NRXN1: variants seen among roughly 807,000 people sequenced by gnomAD.
NRXN1 encodes neurexin-1.
Under a neutral mutation model 150.9 loss-of-function variants are expected in NRXN1, and 39 were observed. The observed-to-expected ratio is 0.26, with a 90% CI of 0.20 to 0.34. NRXN1 has a LOEUF of 0.34. NRXN1 is among the 10% of genes least tolerant of loss of function. The pLI is 1.00. For missense variants in NRXN1, 1,815 were observed against 1,949.9 expected (o/e 0.93, Z 1.30); for synonymous variants, 924 against 757.0 (o/e 1.22, Z -3.62).
chr2:50,649,598 A>T (rs1685316632), intron 5 of NRXN1, among the ~76,000 whole-genome samples: 1 of 151,908 alleles, frequency 6.6e-6, no homozygotes, highest in Admixed American at 6.6e-5. Flanking sequence ...TTGAGGGTGG[A>T]TGTCTGTTTC....
intron 5 of NRXN1, among the ~76,000 whole-genome samples, chr2:50,679,140 G>A (rs548719681): frequency 1.3e-5 from 2 of 152,126 alleles, no homozygotes; most frequent in East Asian, 3.9e-4. Context: ...ACTGTCAGAA[G>A]AGTATGTGGA....
chr2:50,473,773 C>T (rs756847819), intron 15 of NRXN1, among the ~76,000 whole-genome samples: 1 of 151,988 alleles, frequency 6.6e-6, no homozygotes, highest in Non-Finnish European at 1.5e-5. Context: ...GTAACAAATT[C>T]CTTGGTCTCC....
At chr2:49,987,593 T>C (rs1681148766) in intron 21 of NRXN1, among the ~76,000 whole-genome samples, 1 of 152,146 alleles carries the variant, frequency 6.6e-6, no homozygotes, top group Non-Finnish European at 1.5e-5. Context: ...AATGACCCAT[T>C]GATAGATTGA....
At chr2:49,978,081 G>A (rs1679302579) in intron 21 of NRXN1, among the ~76,000 whole-genome samples, 1 of 152,090 alleles carries the variant, frequency 6.6e-6, no homozygotes, top group Non-Finnish European at 1.5e-5. Flanking sequence ...AGAATCGCTT[G>A]AACCAGGGAG....
chr2:50,960,232 A>G (rs1476013266), intron 2 of NRXN1, among the ~76,000 whole-genome samples: 1 of 151,908 alleles, frequency 6.6e-6, no homozygotes, highest in African/African-American at 2.4e-5. Context: ...ATAAGGCATT[A>G]ATTTTCCATA....
chr2:50,174,685 A>G (rs1446101848), intron 18 of NRXN1: 3 of 152,192 alleles, frequency 2.0e-5, no homozygotes, highest in Non-Finnish European at 4.4e-5. Context: ...TATAAAACAG[A>G]TAATAGTATT....
intron 5 of NRXN1, among the ~76,000 whole-genome samples, chr2:50,732,438 G>T (rs903831260): frequency 1.3e-5 from 2 of 152,086 alleles, no homozygotes; most frequent in Admixed American, 6.5e-5. Context: ...AACATCATGA[G>T]AATAACAGTA....
rs1260582018 is a variant in NRXN1, at chr2:50,361,320, CAGG to C, written c.3364+104119_3364+104121del. 3.9e-5 allele frequency among the ~76,000 whole-genome samples: 6 copies of C among 152,096 alleles called. No individual in the cohort carries two copies. In the South Asian group the frequency reaches 8.3e-4, roughly 21 times the overall value. Reference sequence around the variant, plus strand: ...AAAACCTTCAAAAAATCAATGAAAACAGGAGGTGTTTTTTGAAAAGATCAACAA... The same window carrying C: ...AAAACCTTCAAAAAATCAATGAAAACAGGTGTTTTTTGAAAAGATCAACAA... On this transcript the variant is annotated intron_variant, in intron 17 of 22. Transcript: ENST00000401669.
intron 17 of NRXN1, among the ~76,000 whole-genome samples, chr2:50,369,836 TC>T: frequency 6.6e-6 from 1 of 151,940 alleles, no homozygotes; most frequent in East Asian, 1.9e-4. Flanking sequence ...GATGTTAATC[TC>T]CCAGTGTAGG....
At chr2:50,343,046 C>T (rs750431946) in intron 17 of NRXN1, among the ~76,000 whole-genome samples, 9 of 152,234 alleles carry the variant, frequency 5.9e-5, no homozygotes, top group Non-Finnish European at 1.0e-4. Context: ...CATTAAGCAA[C>T]TTCAATTACA....
At chr2:50,660,064 C>T (rs1261213482) in intron 5 of NRXN1, among the ~76,000 whole-genome samples, 1 of 151,984 alleles carries the variant, frequency 6.6e-6, no homozygotes, top group Non-Finnish European at 1.5e-5. Flanking sequence ...TAAACAAATA[C>T]ATCAAATGCC....
intron 5 of NRXN1, among the ~76,000 whole-genome samples, chr2:50,847,448 T>C (rs1223878043): frequency 6.7e-6 from 1 of 149,560 alleles, no homozygotes; most frequent in African/African-American, 2.5e-5. Context: ...AAGGGAAGAG[T>C]GTGGTCGCTT....
Position 50,615,910 on chromosome 2 carries a change from TACTC to T in NRXN1, c.1320+4108_1320+4111del, listed in dbSNP as rs779189693. The T allele has an allele frequency of 5.3e-5, 8 of 152,190 alleles. No homozygotes were observed. The East Asian group carries it at 7.7e-4, about 15-fold the overall frequency. The allele number at this position is 152,190 out of a possible 1,614,324, so 9.4% of individuals were successfully genotyped here. A position where few individuals can be genotyped will look rare whatever the true frequency, so the allele number is the denominator to read the frequency against. The stretch of plus-strand genomic sequence containing the variant: ...CTTAAGCAACATATATTTCAGCTCT[TACTC>T]AGTGTTATCAAAATGCAAATAATAT... On this transcript the variant is annotated intron_variant, in intron 8 of 22. Coordinates refer to ENST00000401669, the MANE Select transcript of NRXN1 (RefSeq NM_001330078.2).
chr2:50,325,894 TCA>T (rs1394206937), intron 17 of NRXN1, among the ~76,000 whole-genome samples: 4 of 152,300 alleles, frequency 2.6e-5, no homozygotes, highest in Admixed American at 2.6e-4. Context: ...TTTTCCTTCT[TCA>T]CAGTTTCTAA....
At position 50,875,448 on chromosome 2, in the gene NRXN1, AATTATT is replaced by A. The variant is rs1462751098; in HGVS notation, c.832+46415_832+46420del. ...TATTAGTTCCTCAATATATTTTAGC[AATTATT>A]ATTATTATTACTATTCTTATTACTA... is the stretch of plus-strand genomic sequence containing the variant. On this transcript the variant is annotated intron_variant, in intron 5 of 22. Transcript: ENST00000401669. 4.6e-5 allele frequency among the ~76,000 whole-genome samples: 7 copies of A among 151,416 alleles called. No individual in the cohort carries two copies. In the South Asian group the frequency reaches 8.4e-4, roughly 18 times the overall value.
chr2:49,993,380 A>C (rs949142458), intron 21 of NRXN1, among the ~76,000 whole-genome samples: 1 of 152,196 alleles, frequency 6.6e-6, no homozygotes, highest in Non-Finnish European at 1.5e-5. Context: ...AGACAGTACA[A>C]AGTTCACTGG....
At chr2:50,796,330 T>C (rs1248989203) in intron 5 of NRXN1, among the ~76,000 whole-genome samples, 4 of 152,178 alleles carry the variant, frequency 2.6e-5, no homozygotes, top group African/African-American at 9.7e-5. Flanking sequence ...TCATATTTGT[T>C]GGATCACTCT....
intron 5 of NRXN1, among the ~76,000 whole-genome samples, chr2:50,820,366 G>C (rs1176059971): frequency 6.6e-6 from 1 of 152,070 alleles, no homozygotes; most frequent in South Asian, 2.1e-4. Flanking sequence ...CATTGCTTGA[G>C]TGATTTGAAC....
rs915303052 is a variant in NRXN1, at chr2:49,994,336, A to G, written c.4129-50545T>C. On this transcript the variant is annotated intron_variant, in intron 21 of 22. Transcript: ENST00000401669. ...AAGCAAGAGGCCTCTTTCTTTCTCT[A>G]TTGGTATGTTTGAAGCAATATGACT... Among the ~76,000 whole-genome samples, 6 of 152,164 alleles carry G rather than the reference A, an allele frequency of 3.9e-5. No homozygotes were observed. The South Asian group carries it at 1.2e-3, about 32-fold the overall frequency.
Sources: allele counts gnomAD v4.1 joint callset (sites outside exome capture counted in the v4.1 genomes callset), GRCh38; gene constraint gnomAD v4.1.1; transcripts MANE v1.5; gene names NCBI Gene and HGNC (gene_info 2026-07-23, HGNC 2026-07-21).